The following SLC4A4 variants were observed in gnomAD, a reference collection of about 807,000 sequenced individuals.
SLC4A4 encodes the protein electrogenic sodium bicarbonate cotransporter 1.
Under a neutral mutation model 111.5 loss-of-function variants are expected in SLC4A4, and 27 were observed. That is an observed-to-expected ratio of 0.24 (90% CI 0.18 to 0.33). The LOEUF is 0.33. Among genes scored for constraint, SLC4A4 ranks in the 10% least tolerant of loss-of-function variants. SLC4A4 has a pLI of 1.00. For missense variants in SLC4A4, 909 were observed against 1,315.5 expected (o/e 0.69, Z 4.78); for synonymous variants, 443 against 463.4 (o/e 0.96, Z 0.57).
Position 71,255,329 on chromosome 4 carries a change from T to C in SLC4A4, c.183T>C (p.Ser61=), listed in dbSNP as rs1721368708. The C allele has an allele frequency of 6.2e-7, 1 of 1,613,562 alleles. No homozygotes were observed. The highest frequency in any genetic ancestry group is 8.5e-7 in the Non-Finnish European group (1 of 1,179,614). Residue 61 remains serine, a synonymous_variant, in exon 3 of 26, where the codon TCT becomes TCC. Transcript: ENST00000264485. ...HKEKKEKERI[S]ENYSDKSDIE... is the part of the protein sequence containing the mutation. ...AAAAGAAGGAAAAGGAGAGAATCTC[T>C]GAGAACTACTCTGACAAATCAGATA...
In SLC4A4 at chr4:71,472,878, T is replaced by C; in HGVS notation, c.1811T>C (p.Met604Thr). The C allele has an allele frequency of 1.2e-6, 2 of 1,612,982 alleles. No homozygotes were observed. Among genetic ancestry groups the C allele is most frequent in the Non-Finnish European group, 1.7e-6 (2 of 1,179,356 alleles). Residue 604 changes from methionine (M) to threonine (T), a missense_variant, in exon 14 of 26, where the codon ATG (methionine) becomes ACG (threonine). Physicochemically the swap from Met to Thr is moderately conservative, Grantham distance 81 (BLOSUM62 -1). Around this residue, in one of 7 missense-constraint regions of SLC4A4, gnomAD observed 264 missense variants for 356.8 expected, o/e 0.74. Coordinates refer to ENST00000264485, the MANE Select transcript of SLC4A4 (RefSeq NM_001098484.3). ...FIFIYDAFKK[M>T]IKLADYYPIN... ...TTTATCTATGATGCTTTCAAGAAGA[T>C]GATCAAGCTTGCAGATTACTACCCC...
chr4:71,473,131 G>A (rs1450649735), intron 14 of SLC4A4, 161 bp downstream of exon 14: 1 of 805,112 alleles, frequency 1.2e-6, no homozygotes, highest in Middle Eastern at 2.2e-4. Flanking sequence ...CATTGCCTGA[G>A]GTATTTTAGC....
At chr4:71,291,080 A>T (rs1479988361) in intron 3 of SLC4A4, among the ~76,000 whole-genome samples, 2 of 152,252 alleles carry the variant, frequency 1.3e-5, no homozygotes, top group Non-Finnish European at 2.9e-5. Flanking sequence ...ATGCCAAAAG[A>T]ACAGAGCCAT....
chr4:71,211,261 AT>A (rs1206742417), intron 1 of SLC4A4, among the ~76,000 whole-genome samples: 1 of 152,112 alleles, frequency 6.6e-6, no homozygotes, highest in Non-Finnish European at 1.5e-5. Context: ...TTTATCTTTT[AT>A]TTGCTTTTAA....
chr4:71,546,837 A>G (rs1471731722), intron 19 of SLC4A4, among the ~76,000 whole-genome samples: 1 of 151,978 alleles, frequency 6.6e-6, no homozygotes, highest in Non-Finnish European at 1.5e-5. Context: ...TATCACAGTC[A>G]TATGTGAAGG....
chr4:71,146,988 A>G (rs1744191056), intron 2 of SLC4A4, among the ~76,000 whole-genome samples: 1 of 152,192 alleles, frequency 6.6e-6, no homozygotes, highest in African/African-American at 2.4e-5. Flanking sequence ...TGTATTCAGG[A>G]AACCCATCTC....
chr4:71,504,330 C>G (rs1055006018), intron 16 of SLC4A4, among the ~76,000 whole-genome samples: 1 of 152,062 alleles, frequency 6.6e-6, no homozygotes, highest in African/African-American at 2.4e-5. Flanking sequence ...ATTTTTTCCT[C>G]TGACTTGATT....
chr4:71,557,968 T>A, intron 22 of SLC4A4, 83 bp downstream of exon 22: 1 of 1,270,332 alleles, frequency 7.9e-7, no homozygotes, highest in Non-Finnish European at 1.1e-6. Context: ...ACACATGTCT[T>A]TTATGTGTTG....
Position 71,236,626 on chromosome 4 carries a change from T to C in SLC4A4, c.50T>C (p.Val17Ala), listed in dbSNP as rs1719833991. 1.2e-6 allele frequency: 2 copies of C among 1,613,908 alleles called. No individual in the cohort carries two copies. The highest frequency in any genetic ancestry group is 8.5e-7 in the Non-Finnish European group (1 of 1,179,816). The change falls in exon 2 of 26, where the codon GTG (valine) becomes GCG (alanine). Residue 17 changes from valine to alanine, a missense_variant. Physicochemically the swap from Val to Ala is moderately conservative, Grantham distance 64. Around this residue, in one of 7 missense-constraint regions of SLC4A4, gnomAD observed 117 missense variants for 154.2 expected, o/e 0.76. Coordinates refer to ENST00000264485, the MANE Select transcript of SLC4A4 (RefSeq NM_001098484.3). ...AGAGGGGCTTCCTTCCTCAAGCATG[T>C]GTGTGATGAAGAAGAAGTAGAAGGT... ...LDRGASFLKH[V>A]CDEEEVEGHH...
At chr4:71,307,123 A>G (rs369588890) in intron 3 of SLC4A4, among the ~76,000 whole-genome samples, 5 of 152,198 alleles carry the variant, frequency 3.3e-5, no homozygotes, top group African/African-American at 4.8e-5. Flanking sequence ...ATGGGTGGCA[A>G]TTACTTAAAG....
upstream of SLC4A4, among the ~76,000 whole-genome samples, chr4:71,185,429 T>C (rs1342863814): frequency 6.6e-6 from 1 of 152,260 alleles, no homozygotes; most frequent in Non-Finnish European, 1.5e-5. Context: ...AGGTGAAAAC[T>C]TTAAAGCTAA....
At chr4:71,289,883 C>A (rs1376677270) in intron 3 of SLC4A4, among the ~76,000 whole-genome samples, 3 of 152,178 alleles carry the variant, frequency 2.0e-5, no homozygotes, top group African/African-American at 7.2e-5. Flanking sequence ...TTCAAGGGAA[C>A]AGTAGGAAAA....
At chr4:71,230,314 G>A (rs969466784) in intron 1 of SLC4A4, among the ~76,000 whole-genome samples, 26 of 152,316 alleles carry the variant, frequency 1.7e-4, no homozygotes, top group African/African-American at 6.0e-4. Flanking sequence ...TGAGACTGCA[G>A]TCCTCAAGTA....
chr4:71,147,279 C>T (rs949265313), intron 2 of SLC4A4, among the ~76,000 whole-genome samples: 3 of 152,072 alleles, frequency 2.0e-5, no homozygotes, highest in Non-Finnish European at 2.9e-5. Context: ...TCTTAAATTT[C>T]TTTATTTTTC....
chr4:71,152,166 CCTA>C (rs1202770341), intron 2 of SLC4A4, among the ~76,000 whole-genome samples: 1 of 152,126 alleles, frequency 6.6e-6, no homozygotes, highest in Non-Finnish European at 1.5e-5. Context: ...GAAGACTACT[CCTA>C]CATTACATGT....
rs544491417 is a variant in SLC4A4, at chr4:71,453,762, A to G, written c.1497+93A>G. ...GTTAGAAGCAGATGGCCTTTCAGTT[A>G]CTCAGCGTGATTTTCTTTCTTTTGC... On this transcript the variant is annotated intron_variant, in intron 12 of 25. Transcript: ENST00000264485. The G allele has an allele frequency of 2.8e-4, 325 of 1,159,098 alleles. No homozygotes were observed. In the South Asian group the frequency reaches 3.9e-3, roughly 14 times the overall value. 71.8% of individuals were successfully genotyped at this position (1,159,098 alleles called of 1,614,324 possible).
chr4:71,121,298 T>G (rs145382063), intron 2 of SLC4A4, among the ~76,000 whole-genome samples: 464 of 151,678 alleles, frequency 3.1e-3, no homozygotes, highest in Middle Eastern at 0.014. Context: ...GCGCCCGGTC[T>G]CATCGACTGC....
At chr4:71,083,791 C>G (rs1274587731) in intron 1 of SLC4A4, among the ~76,000 whole-genome samples, 1 of 116,134 alleles carries the variant, frequency 8.6e-6, no homozygotes, top group Non-Finnish European at 1.7e-5. Flanking sequence ...GCCCCCCGCC[C>G]CCACCAGTCT....
intron 3 of SLC4A4, among the ~76,000 whole-genome samples, chr4:71,260,909 C>T (rs115619530): frequency 1.5e-3 from 221 of 152,292 alleles, no homozygotes; most frequent in African/African-American, 5.1e-3. Context: ...TTTTGAGTTA[C>T]TATGATTGCC....
Sources: gnomAD v4.1 joint callset for allele counts (sites outside exome capture counted in the v4.1 genomes callset) on GRCh38, gnomAD v4.1.1 for gene constraint, gnomAD v4.1.1 regional missense constraint, MANE v1.5 for transcripts, NCBI Gene and HGNC (gene_info 2026-07-23, HGNC 2026-07-21) for gene names.